NPHP4: variants seen among roughly 807,000 people sequenced by gnomAD.
NPHP4 encodes the protein nephrocystin 4.
NPHP4 carries 151 observed loss-of-function variants against 155.8 expected under a neutral mutation model. The observed-to-expected ratio is 0.97, with a 90% CI of 0.85 to 1.11. NPHP4 has a LOEUF of 1.11. Among genes scored for constraint, NPHP4 ranks in the 50% least tolerant of loss-of-function variants. NPHP4 has a pLI of 0.00. For missense variants in NPHP4, 1,956 were observed against 1,925.7 expected, an observed-to-expected ratio of 1.02 and a Z score of -0.29; for synonymous variants, 845 against 816.8, an observed-to-expected ratio of 1.03 and a Z score of -0.59.
rs146386955 is a variant in NPHP4 at position 5,898,843 on chromosome 1, G to GCACA, written c.2143+5770_2143+5773dup. On this transcript the variant is annotated intron_variant, in intron 16 of 29. Transcript: ENST00000378156. Reference sequence around the variant, plus strand: ...TGCCTATCAATTCAAACCCACACATGCACACACACACACACACAGACAACA... The same window carrying GCACA: ...TGCCTATCAATTCAAACCCACACATGCACACACACACACACACACACAGACAACA... Among the ~76,000 whole-genome samples the GCACA allele has an allele frequency of 3.1e-3, 458 of 149,740 alleles. 4 individuals are homozygous for GCACA. The highest frequency in any genetic ancestry group is 0.01 in the African/African-American group (430 of 40,994).
rs1024184538 is a variant in NPHP4, at chr1:5,864,395, G to A, written c.3939C>T (p.His1313=). The A allele has an allele frequency of 8.7e-6, 14 of 1,611,848 alleles. No individual in the cohort carries two copies. The East Asian group carries it at 3.1e-4, about 36-fold the overall frequency. ...ACACGAGCCAGGAGGCCACCAGCTGGTGGCAATCCACGTCCACCAGGTTGA... is the reference window on the plus strand; with the variant it reads ...ACACGAGCCAGGAGGCCACCAGCTGATGGCAATCCACGTCCACCAGGTTGA... ...VHLNLVDVDC[H]QLVASWLVCL... Residue 1313 remains histidine, a synonymous_variant, in exon 28 of 30, where the codon CAC becomes CAT. Coordinates refer to ENST00000378156, the MANE Select transcript of NPHP4 (RefSeq NM_015102.5).
At chr1:5,963,967 C>A (rs755773201) in intron 5 of NPHP4, among the ~76,000 whole-genome samples, 1 of 152,166 alleles carries the variant, frequency 6.6e-6, no homozygotes, top group Non-Finnish European at 1.5e-5. Context: ...GGATTACAGG[C>A]GTGAACCACC....
At chr1:5,991,843 C>A (rs968366315) in intron 1 of NPHP4, among the ~76,000 whole-genome samples, 6 of 150,750 alleles carry the variant, frequency 4.0e-5, no homozygotes, top group African/African-American at 7.3e-5. Flanking sequence ...GGGAAGGATG[C>A]GCGCGGACTA....
At chr1:5,912,168 G>A (rs796968761) in intron 11 of NPHP4, among the ~76,000 whole-genome samples, 75 of 152,358 alleles carry the variant, frequency 4.9e-4, no homozygotes, top group African/African-American at 1.5e-3. Flanking sequence ...CAGATCCTGC[G>A]TGGGGCAGGG....
chr1:5,954,597 A>T (rs984706868), intron 6 of NPHP4, among the ~76,000 whole-genome samples: 11 of 152,204 alleles, frequency 7.2e-5, no homozygotes, highest in African/African-American at 2.2e-4. Context: ...CACTGGGGAA[A>T]AGGCAGTCTC....
At chr1:5,897,981 G>A (rs531638415) in intron 16 of NPHP4, among the ~76,000 whole-genome samples, 94 of 152,338 alleles carry the variant, frequency 6.2e-4, no homozygotes, top group African/African-American at 2.2e-3. Flanking sequence ...TAGGGCTCTC[G>A]CAGAAGGCCC....
intron 3 of NPHP4, among the ~76,000 whole-genome samples, chr1:5,975,505 G>A (rs1653391828): frequency 1.3e-5 from 2 of 152,128 alleles, no homozygotes; most frequent in Admixed American, 6.5e-5. Flanking sequence ...CAAGTCCAAG[G>A]GTGCAGATTT....
chr1:5,927,838 T>C, intron 10 of NPHP4, 51 bp from the exon 11 acceptor site: 1 of 1,560,410 alleles, frequency 6.4e-7, no homozygotes, highest in Non-Finnish European at 8.8e-7. Flanking sequence ...TCAGCACGCC[T>C]ATCAGAACGA....
rs907547148 is a variant in NPHP4, at chr1:5,889,107, G to A, written c.2305-1641C>T. Among the ~76,000 whole-genome samples, 7 of 152,152 alleles carry A rather than the reference G, an allele frequency of 4.6e-5. No homozygotes were observed. Among genetic ancestry groups the A allele is most frequent in the African/African-American group, 9.7e-5 (4 of 41,436 alleles). ...CCTAGAGGAAACTCTTCTCATCGTC[G>A]TAGCAACGTGTTACGGCCAGCACCC... On this transcript the variant is annotated intron_variant, in intron 17 of 29. Transcript: ENST00000378156. This position sits in a 1 kb window ranked among gnomAD's most constrained non-coding sequence, Gnocchi z 4.2.
chr1:5,974,445 G>A (rs1377834835), intron 3 of NPHP4, among the ~76,000 whole-genome samples: 2 of 152,178 alleles, frequency 1.3e-5, no homozygotes, highest in Admixed American at 6.5e-5. Flanking sequence ...CAAGGGAAAA[G>A]TATGTCCACC....
At chr1:5,932,622 G>A (rs763263985) in intron 10 of NPHP4, among the ~76,000 whole-genome samples, 4 of 150,550 alleles carry the variant, frequency 2.7e-5, no homozygotes, top group African/African-American at 4.9e-5. Context: ...TGTTTTTGCC[G>A]TCTTAATTGG....
At chr1:5,896,331 AT>A (rs1378037585) in intron 16 of NPHP4, among the ~76,000 whole-genome samples, 1 of 152,206 alleles carries the variant, frequency 6.6e-6, no homozygotes, top group East Asian at 1.9e-4. Context: ...AAATAAATGA[AT>A]CATACTGAAT....
chr1:5,902,300 T>A (rs1214540501), intron 16 of NPHP4, among the ~76,000 whole-genome samples: 1 of 152,146 alleles, frequency 6.6e-6, no homozygotes, highest in Non-Finnish European at 1.5e-5. Flanking sequence ...TCACCCCAGG[T>A]GCAAAGCCTG....
intron 3 of NPHP4, among the ~76,000 whole-genome samples, chr1:5,975,854 C>T (rs1486055911): frequency 6.6e-6 from 1 of 152,204 alleles, no homozygotes; most frequent in African/African-American, 2.4e-5. Context: ...CAAAGATCGT[C>T]CTACCATGTG....
intron 18 of NPHP4, among the ~76,000 whole-genome samples, chr1:5,883,914 G>A (rs1421632936): frequency 6.6e-6 from 1 of 152,148 alleles, no homozygotes; most frequent in Non-Finnish European, 1.5e-5. Context: ...GCTCAGACTC[G>A]AAGGACACCT....
intron 3 of NPHP4, among the ~76,000 whole-genome samples, chr1:5,973,615 G>A (rs554312249): frequency 4.6e-5 from 7 of 152,186 alleles, no homozygotes; most frequent in Non-Finnish European, 1.0e-4. Context: ...ACACTATGCT[G>A]CTGTGAACAC....
chr1:5,952,776 A>T lies in NPHP4; in HGVS notation c.734T>A (p.Phe245Tyr). The T allele has an allele frequency of 6.3e-7, 1 of 1,587,564 alleles. No homozygotes were observed. Among genetic ancestry groups the T allele is most frequent in the Admixed American group, 1.8e-5 (1 of 56,326 alleles). The change falls in exon 7 of 30, where the codon TTC becomes TAC. Residue 245 changes from phenylalanine to tyrosine, a missense_variant. Physicochemically the swap from Phe to Tyr is conservative, Grantham distance 22. Coordinates refer to ENST00000378156, the MANE Select transcript of NPHP4 (RefSeq NM_015102.5). ...CTCCAGGGAGGGGTACAGGGTGAAGAATAAGTCATCCAAGTGCCCCGTGAT... is the reference window on the plus strand; with the variant it reads ...CTCCAGGGAGGGGTACAGGGTGAAGTATAAGTCATCCAAGTGCCCCGTGAT... ...KPITGHLDDL[F>Y]FTLYPSLEKF...
Position 5,866,397 on chromosome 1 carries a change from T to A in NPHP4, c.3620A>T (p.Lys1207Ile), listed in dbSNP as rs1641230018. The change falls in exon 26 of 30, where the codon AAA (lysine) becomes ATA (isoleucine). Residue 1207 changes from lysine (K) to isoleucine (I), a missense_variant. Transcript: ENST00000378156. The part of the protein sequence containing the change: ...KVASGPSPEI[K>I]DFFVIIYSDR... The stretch of plus-strand genomic sequence containing the variant: ...CGAGTAAATGATGACAAAGAAGTCT[T>A]TGATCTCCGGGCTTGGACCACTGGC... 2.5e-6 allele frequency: 4 copies of A among 1,609,212 alleles called. No individual in the cohort carries two copies. The East Asian group carries it at 8.9e-5, about 36-fold the overall frequency.
At chr1:5,920,874 T>C (rs1463081918) in intron 11 of NPHP4, among the ~76,000 whole-genome samples, 1 of 152,246 alleles carries the variant, frequency 6.6e-6, no homozygotes, top group Non-Finnish European at 1.5e-5. Context: ...ATCTTATTTC[T>C]CAATCGTCTC....
Sources: allele counts gnomAD v4.1 joint callset (sites outside exome capture counted in the v4.1 genomes callset), GRCh38; gene constraint gnomAD v4.1.1; non-coding constraint Gnocchi (gnomAD v3.1); transcripts MANE v1.5; gene names NCBI Gene and HGNC (gene_info 2026-07-23, HGNC 2026-07-21).